Variants in SGPL1 observed in about 807,000 individuals in gnomAD.
SGPL1 encodes the protein sphingosine-1-phosphate lyase 1, also known as SP-lyase 1.
A neutral mutation model predicts 68.9 loss-of-function variants in SGPL1; 37 were observed. The ratio of observed to expected loss-of-function variants is 0.54; its 90% confidence interval spans 0.41 to 0.71. SGPL1 has a LOEUF of 0.71. Ranked by LOEUF, SGPL1 falls within the 30% of genes least tolerant of loss-of-function variation. The pLI, the probability that SGPL1 is intolerant of heterozygous loss-of-function variation, is 0.00. For missense variants in SGPL1, 551 were observed against 704.6 expected, an observed-to-expected ratio of 0.78 and a Z score of 2.47; for synonymous variants, 236 against 248.5, an observed-to-expected ratio of 0.95 and a Z score of 0.47.
intron 7 of SGPL1, among the ~76,000 whole-genome samples, chr10:70,860,873 A>G (rs918751706): frequency 6.6e-6 from 1 of 152,208 alleles, no homozygotes; most frequent in African/African-American, 2.4e-5. Context: ...ACAGATGAAT[A>G]AATTGTGGAA....
chr10:70,872,051 T>A, intron 11 of SGPL1, 65 bp downstream of exon 11: 1 of 1,498,092 alleles, frequency 6.7e-7, no homozygotes, highest in Non-Finnish European at 9.1e-7. Flanking sequence ...TAAAATAAAT[T>A]GGTAGCTTCC....
At chr10:70,861,271 T>G (rs1036106213) in intron 7 of SGPL1, among the ~76,000 whole-genome samples, 1 of 151,758 alleles carries the variant, frequency 6.6e-6, no homozygotes, top group Non-Finnish European at 1.5e-5. Context: ...GGCTAAGAGA[T>G]GCAAAGGATA....
At position 70,880,066 on chromosome 10, in the gene SGPL1, A is replaced by G. The variant is rs978127987; in HGVS notation, c.*2731A>G. 6.6e-6 allele frequency: 1 copy of G among 152,640 alleles called. No individual in the cohort carries two copies. The highest frequency in any genetic ancestry group is 2.4e-5 in the African/African-American group (1 of 41,446). The allele number at this position is 152,640 out of a possible 1,614,324, so 9.5% of individuals were successfully genotyped here. ...CAATGCTCCCTTCCTAATTTCAGCA[A>G]TAATCTCAAAAAGCAATTAAATAGT... On this transcript the variant is annotated 3_prime_UTR_variant, in exon 15 of 15. Coordinates refer to ENST00000373202, the MANE Select transcript of SGPL1 (RefSeq NM_003901.4).
chr10:70,860,417 T>A, intron 7 of SGPL1: 1 of 469,974 alleles, frequency 2.1e-6, no homozygotes, highest in South Asian at 1.6e-5. Context: ...GTTTTGTTTT[T>A]CTAATATGTT....
intron 2 of SGPL1, among the ~76,000 whole-genome samples, chr10:70,826,163 C>T (rs72816586): frequency 0.06 from 9,160 of 152,198 alleles, 408 homozygotes; most frequent in African/African-American, 0.13. Context: ...CCAGCCTGGA[C>T]GACAGAGTGA....
intron 3 of SGPL1, among the ~76,000 whole-genome samples, chr10:70,849,684 T>G (rs1244242100): frequency 6.6e-6 from 1 of 152,194 alleles, no homozygotes; most frequent in East Asian, 1.9e-4. Flanking sequence ...ATCCCGTGGT[T>G]GTTGAGTGAA....
At chr10:70,860,260 C>T in intron 7 of SGPL1, 1 of 395,774 alleles carries the variant, frequency 2.5e-6, no homozygotes, top group Non-Finnish European at 5.1e-6. Context: ...ACTCAATATG[C>T]TGCAATGGTG....
At position 70,877,186 on chromosome 10, in the gene SGPL1, G is replaced by A. The variant is rs1846405341; in HGVS notation, c.1567-9G>A. 7.4e-6 allele frequency: 12 copies of A among 1,613,862 alleles called. No individual in the cohort carries two copies. Among genetic ancestry groups the A allele is most frequent in the Middle Eastern group, 1.6e-4 (1 of 6,080 alleles). On this transcript the variant is annotated splice_polypyrimidine_tract_variant and intron_variant, in intron 14 of 14. Coordinates refer to ENST00000373202, the MANE Select transcript of SGPL1 (RefSeq NM_003901.4). ...CTCACTAATAATGTCTCTTTCTTTG[G>A]ATTTGTAGGGTGCCATCTATGGCAT... is the stretch of plus-strand genomic sequence containing the variant.
In SGPL1 at chr10:70,863,579, C is replaced by T. The variant is rs115051048; in HGVS notation, c.615+4080C>T. On this transcript the variant is annotated intron_variant, in intron 7 of 14. Coordinates refer to ENST00000373202, the MANE Select transcript of SGPL1 (RefSeq NM_003901.4). ...TGAAGTTAAGTCTGGAAGTTCTCTT[C>T]TTCCAGAGAAGATTTGTCATACCTT... 7.1e-3 allele frequency among the ~76,000 whole-genome samples: 1,080 copies of T among 152,224 alleles called. 21 individuals carry two copies. Among genetic ancestry groups the T allele is most frequent in the African/African-American group, 0.025 (1,032 of 41,534 alleles).
intron 2 of SGPL1, among the ~76,000 whole-genome samples, chr10:70,835,503 C>T (rs755359841): frequency 2.0e-4 from 30 of 151,316 alleles, no homozygotes; most frequent in Non-Finnish European, 3.7e-4. Flanking sequence ...TTTGGGAGGC[C>T]GAGGCGGGTG....
intron 7 of SGPL1, among the ~76,000 whole-genome samples, chr10:70,864,218 T>C (rs1244886998): frequency 6.6e-6 from 1 of 152,192 alleles, no homozygotes; most frequent in African/African-American, 2.4e-5. Flanking sequence ...CCTTTCTCCC[T>C]GAATCTTCTC....
chr10:70,868,694 A>G (rs1028349026), intron 8 of SGPL1, among the ~76,000 whole-genome samples: 1 of 152,048 alleles, frequency 6.6e-6, no homozygotes, highest in Admixed American at 6.5e-5. Flanking sequence ...AAGCAAAAAT[A>G]AGATCCTTTT....
intron 10 of SGPL1, 63 bp downstream of exon 10, chr10:70,871,209 G>A: frequency 9.2e-7 from 1 of 1,082,926 alleles, no homozygotes; most frequent in Non-Finnish European, 1.4e-6. Context: ...AGCCTAATGG[G>A]GCAGTACTTG....
rs1212001748 is a variant in SGPL1, at chr10:70,879,555, G to A, written c.*2220G>A. On this transcript the variant is annotated 3_prime_UTR_variant, in exon 15 of 15. Coordinates refer to ENST00000373202, the MANE Select transcript of SGPL1 (RefSeq NM_003901.4). ...GTGCATTATGTTGAATGAGGTCCAGGAACCCAGAGCCACCCAGCAGACACC... is the reference window on the plus strand; with the variant it reads ...GTGCATTATGTTGAATGAGGTCCAGAAACCCAGAGCCACCCAGCAGACACC... 2.0e-5 allele frequency: 3 copies of A among 152,434 alleles called. No individual in the cohort carries two copies. The highest frequency in any genetic ancestry group is 7.2e-5 in the African/African-American group (3 of 41,414). The allele number at this position is 152,434 out of a possible 1,614,324, so 9.4% of individuals were successfully genotyped here. A position where few individuals can be genotyped will look rare whatever the true frequency, so the allele number is the denominator to read the frequency against.
At position 70,869,926 on chromosome 10, in the gene SGPL1, G is replaced by A. The variant is rs75121822; in HGVS notation, c.810+29G>A. ...AGTCCCTCTGGAGGGCCCACTGTCT[G>A]TGCTGGGCCCTGACAGCAGAAGGGC... On this transcript the variant is annotated intron_variant, in intron 9 of 14. Coordinates refer to ENST00000373202, the MANE Select transcript of SGPL1 (RefSeq NM_003901.4). 84,224 of 1,576,108 alleles carry A rather than the reference G, an allele frequency of 0.053. 3,237 individuals are homozygous for A. The highest frequency in any genetic ancestry group is 0.19 in the Admixed American group (11,070 of 59,780).
chr10:70,818,637 A>T (rs895143328), intron 2 of SGPL1, among the ~76,000 whole-genome samples: 1 of 152,204 alleles, frequency 6.6e-6, no homozygotes, highest in Non-Finnish European at 1.5e-5. Context: ...AAGAAGAGAG[A>T]AACTAAGTTT....
At chr10:70,823,045 A>G (rs571791247) in intron 2 of SGPL1, among the ~76,000 whole-genome samples, 37 of 151,632 alleles carry the variant, frequency 2.4e-4, no homozygotes, top group Admixed American at 1.5e-3. Context: ...AACTGTACCT[A>G]TGGTTCAGTT....
chr10:70,860,377 CTTT>C, intron 7 of SGPL1: 2 of 379,338 alleles, frequency 5.3e-6, no homozygotes, highest in Non-Finnish European at 1.1e-5. Flanking sequence ...AATTTAGTTT[CTTT>C]TTTTTTTTCC....
chr10:70,819,147 T>G (rs1845291479), intron 2 of SGPL1, among the ~76,000 whole-genome samples: 1 of 152,246 alleles, frequency 6.6e-6, no homozygotes, highest in Admixed American at 6.5e-5. Context: ...GAACAATGAC[T>G]GCTTTTACTC....
Sources: allele counts gnomAD v4.1 joint callset (sites outside exome capture counted in the v4.1 genomes callset), GRCh38; gene constraint gnomAD v4.1.1; transcripts MANE v1.5; gene names NCBI Gene and HGNC (gene_info 2026-07-23, HGNC 2026-07-21).